The following RGS22 variants were observed in gnomAD, a reference collection of about 807,000 sequenced individuals.
The protein encoded by RGS22 is regulator of G-protein signaling 22.
In RGS22, 148 loss-of-function variants were observed where a neutral mutation model predicts 172.9. The observed-to-expected ratio is 0.86, with a 90% confidence interval of 0.75 to 0.98. RGS22 has a LOEUF of 0.98. Among genes scored for constraint, RGS22 ranks in the 50% least tolerant of loss-of-function variants. The pLI, the probability that RGS22 is intolerant of heterozygous loss-of-function variation, is 0.00. For synonymous variants in RGS22, 458 were observed against 480.2 expected (o/e 0.95, Z 0.60); for missense variants, 1,347 against 1,440.8 (o/e 0.93, Z 1.05).
chr8:99,970,548 T>C (rs1324699046), intron 23 of RGS22, among the ~76,000 whole-genome samples: 1 of 152,020 alleles, frequency 6.6e-6, no homozygotes, highest in Non-Finnish European at 1.5e-5. Context: ...AAAGGGGATA[T>C]CAGCACGAAT....
At chr8:100,056,857 C>A (rs930558423) in intron 9 of RGS22, among the ~76,000 whole-genome samples, 4 of 152,200 alleles carry the variant, frequency 2.6e-5, no homozygotes, top group African/African-American at 9.6e-5. Flanking sequence ...ACAGAGTCCC[C>A]ACTGGGGCAC....
At chr8:99,962,558 G>C (rs1357203188) in intron 26 of RGS22, 115 bp from the exon 27 acceptor site, 9 of 1,417,402 alleles carry the variant, frequency 6.3e-6, no homozygotes, top group East Asian at 2.3e-5. Context: ...TCCTAAGTTG[G>C]GGGGCAGAAT....
intron 9 of RGS22, chr8:100,054,455 T>C (rs149864814): frequency 1.7e-4 from 26 of 154,214 alleles, no homozygotes; most frequent in African/African-American, 5.5e-4. Flanking sequence ...TAGCTGAGCA[T>C]AGTGGCATGT....
chr8:100,091,040 T>C (rs747087681), intron 3 of RGS22, among the ~76,000 whole-genome samples: 13 of 152,140 alleles, frequency 8.5e-5, no homozygotes, highest in Non-Finnish European at 1.9e-4. Context: ...AAGATTAGTT[T>C]GGCATACTTA....
At position 100,084,797 on chromosome 8, in the gene RGS22, T is replaced by C. The variant is rs182363380; in HGVS notation, c.118-4442A>G. 7.9e-5 allele frequency among the ~76,000 whole-genome samples: 12 copies of C among 152,316 alleles called. No homozygotes were observed. The East Asian group carries it at 2.3e-3, about 29-fold the overall frequency. Reference sequence around the variant, plus strand: ...CAATTATTGCCCTAAACCTAGAGGATACAAAGATGAATAAAACATTATTTC... The same window carrying C: ...CAATTATTGCCCTAAACCTAGAGGACACAAAGATGAATAAAACATTATTTC... On this transcript the variant is annotated intron_variant, in intron 3 of 27. Coordinates refer to ENST00000360863, the MANE Select transcript of RGS22 (RefSeq NM_015668.5).
At chr8:100,075,959 G>A (rs963729040) in intron 4 of RGS22, among the ~76,000 whole-genome samples, 1 of 151,846 alleles carries the variant, frequency 6.6e-6, no homozygotes, top group South Asian at 2.1e-4. Flanking sequence ...CTGTGATTTT[G>A]ATTCCATTTC....
intron 7 of RGS22, among the ~76,000 whole-genome samples, chr8:100,064,541 G>A (rs1810401481): frequency 6.6e-6 from 1 of 152,128 alleles, no homozygotes; most frequent in African/African-American, 2.4e-5. Context: ...GAAAAAAACT[G>A]CCAATGGGAA....
At chr8:99,995,175 C>A (rs1370447393) in intron 20 of RGS22, among the ~76,000 whole-genome samples, 3 of 152,072 alleles carry the variant, frequency 2.0e-5, no homozygotes, top group African/African-American at 4.8e-5. Context: ...AGAAGAAAAC[C>A]TAGGCAATAC....
At chr8:100,051,612 T>C (rs1586130139) in intron 10 of RGS22, among the ~76,000 whole-genome samples, 1 of 30,630 alleles carries the variant, frequency 3.3e-5, no homozygotes, top group South Asian at 1.2e-3. Flanking sequence ...TTTATATATG[T>C]TTATACATAT....
chr8:100,105,981 T>A lies in RGS22; in HGVS notation c.-60A>T, dbSNP rs1468099069. On this transcript the variant is annotated 5_prime_UTR_variant, in exon 1 of 28. Coordinates refer to ENST00000360863, the MANE Select transcript of RGS22 (RefSeq NM_015668.5). ...GGCCGTCAGGGCCCTAGCGCGCGGG[T>A]CCAGCGCGGGTCAGGGCCTGAGCGA... is the stretch of plus-strand genomic sequence containing the variant. 1.5e-6 allele frequency: 2 copies of A among 1,333,210 alleles called. No individual in the cohort carries two copies. The highest frequency in any genetic ancestry group is 6.5e-5 in the East Asian group (2 of 30,800). The allele number at this position is 1,333,210 out of a possible 1,614,324, so 82.6% of individuals were successfully genotyped here. A position where few individuals can be genotyped will look rare whatever the true frequency, so the allele number is the denominator to read the frequency against.
chr8:100,096,177 G>A (rs1812952102), intron 2 of RGS22, among the ~76,000 whole-genome samples: 2 of 152,152 alleles, frequency 1.3e-5, no homozygotes, highest in African/African-American at 2.4e-5. Flanking sequence ...CTCTCAAAGA[G>A]TTTCCACAGT....
At chr8:100,104,751 C>T (rs763945011) in intron 2 of RGS22, among the ~76,000 whole-genome samples, 4 of 152,104 alleles carry the variant, frequency 2.6e-5, no homozygotes, top group Non-Finnish European at 4.4e-5. Context: ...GTGGTTAGAG[C>T]TCTTGGAATC....
At chr8:100,095,369 A>G (rs1222775429) in intron 2 of RGS22, among the ~76,000 whole-genome samples, 1 of 151,960 alleles carries the variant, frequency 6.6e-6, no homozygotes, top group African/African-American at 2.4e-5. Context: ...TTTTTTGTAG[A>G]GACAATGTTT....
At chr8:99,976,947 CAT>C (rs1812020397) in intron 23 of RGS22, among the ~76,000 whole-genome samples, 1 of 151,878 alleles carries the variant, frequency 6.6e-6, no homozygotes, top group African/African-American at 2.4e-5. Context: ...TAAGATGAAA[CAT>C]GTTATTTGGG....
intron 11 of RGS22, among the ~76,000 whole-genome samples, chr8:100,044,139 C>A (rs1195711591): frequency 6.6e-6 from 1 of 152,216 alleles, no homozygotes; most frequent in Non-Finnish European, 1.5e-5. Flanking sequence ...CTGGTGAACT[C>A]TATCAAGTAC....
At chr8:100,076,825 T>C (rs1314142709) in intron 4 of RGS22, among the ~76,000 whole-genome samples, 1 of 152,144 alleles carries the variant, frequency 6.6e-6, no homozygotes, top group Non-Finnish European at 1.5e-5. Flanking sequence ...AAACCCCATC[T>C]CTACTAAAAA....
chr8:100,071,965 G>A (rs954071147), intron 5 of RGS22, among the ~76,000 whole-genome samples, 180 bp downstream of exon 5: 2 of 152,250 alleles, frequency 1.3e-5, no homozygotes, highest in Non-Finnish European at 2.9e-5. Context: ...GGGAGGCCAA[G>A]GCAGGAGGCT....
chr8:100,093,414 T>C lies in RGS22; in HGVS notation c.117+33A>G, dbSNP rs770184001. ...TGATTAAAATATTTTGCTTTGATAATATATATTCAATAGATCATAATAATA... is the reference window on the plus strand; with the variant it reads ...TGATTAAAATATTTTGCTTTGATAACATATATTCAATAGATCATAATAATA... On this transcript the variant is annotated intron_variant, in intron 3 of 27. Transcript: ENST00000360863. The C allele has an allele frequency of 1.7e-5, 22 of 1,321,810 alleles. 1 individual carries two copies. In the South Asian group the frequency reaches 2.6e-4, roughly 16 times the overall value. The allele number at this position is 1,321,810 out of a possible 1,614,324, so 81.9% of individuals were successfully genotyped here. A position where few individuals can be genotyped will look rare whatever the true frequency, so the allele number is the denominator to read the frequency against.
At chr8:100,077,056 T>C (rs913917702) in intron 4 of RGS22, among the ~76,000 whole-genome samples, 8 of 152,036 alleles carry the variant, frequency 5.3e-5, no homozygotes, top group Admixed American at 1.3e-4. Flanking sequence ...ATAAAGTTGT[T>C]TGTAAAATTC....
Sources: gnomAD v4.1 joint callset for allele counts (sites outside exome capture counted in the v4.1 genomes callset) on GRCh38, gnomAD v4.1.1 for gene constraint, MANE v1.5 for transcripts, NCBI Gene and HGNC (gene_info 2026-07-23, HGNC 2026-07-21) for gene names.